The following CAMK2D variants were observed in gnomAD, a reference collection of about 807,000 sequenced individuals.
CAMK2D encodes the protein calcium/calmodulin dependent protein kinase II delta.
In CAMK2D, 37 loss-of-function variants were observed where a neutral mutation model predicts 84.0. The observed-to-expected ratio is 0.44, with a 90% CI of 0.34 to 0.58. The LOEUF is 0.58. Among genes scored for constraint, CAMK2D ranks in the 20% least tolerant of loss-of-function variants. CAMK2D has a pLI of 0.02. For synonymous variants in CAMK2D, 202 were observed against 212.5 expected, an observed-to-expected ratio of 0.95 and a Z score of 0.43; for missense variants, 448 against 652.5, an observed-to-expected ratio of 0.69 and a Z score of 3.41.
intron 2 of CAMK2D, among the ~76,000 whole-genome samples, chr4:113,662,830 A>T (rs2099239972): frequency 6.6e-6 from 1 of 152,232 alleles, no homozygotes. Context: ...AGATCCCCTA[A>T]GAGAGTTTCT....
chr4:113,735,228 G>GATC lies in CAMK2D; in HGVS notation c.160+24089_160+24091dup, dbSNP rs1451254375. On this transcript the variant is annotated intron_variant, in intron 2 of 20. Coordinates refer to ENST00000511664, the MANE Select transcript of CAMK2D (RefSeq NM_001321571.2). ...GCACTTTGGGAGGCCAAGGCGGGTG[G>GATC]ATCACTTGAGCTCAAGAGTTTGAGA... Among the ~76,000 whole-genome samples the GATC allele has an allele frequency of 4.1e-5, 6 of 145,594 alleles. No homozygotes were observed. In the East Asian group the frequency reaches 1.2e-3, roughly 30 times the overall value.
intron 5 of CAMK2D, among the ~76,000 whole-genome samples, chr4:113,550,800 C>T (rs953277602): frequency 6.6e-6 from 1 of 152,124 alleles, no homozygotes; most frequent in Non-Finnish European, 1.5e-5. Flanking sequence ...ATGATTCACT[C>T]ATCATAGTAT....
chr4:113,723,761 T>C (rs1369408398), intron 2 of CAMK2D, among the ~76,000 whole-genome samples: 1 of 152,154 alleles, frequency 6.6e-6, no homozygotes, highest in Admixed American at 6.5e-5. Flanking sequence ...ACTATGACAT[T>C]ACTCACCATA....
At chr4:113,574,838 C>A (rs1325599318) in intron 4 of CAMK2D, among the ~76,000 whole-genome samples, 3 of 152,220 alleles carry the variant, frequency 2.0e-5, no homozygotes, top group Admixed American at 1.3e-4. Context: ...CTAGAGAACA[C>A]ATAAATGAAA....
At chr4:113,738,131 T>A (rs2099585423) in intron 2 of CAMK2D, among the ~76,000 whole-genome samples, 1 of 146,900 alleles carries the variant, frequency 6.8e-6, no homozygotes. Context: ...CAATTCTCTA[T>A]AAAAGAAGTG....
At chr4:113,483,673 T>C (rs2097730400) in intron 16 of CAMK2D, among the ~76,000 whole-genome samples, 1 of 152,136 alleles carries the variant, frequency 6.6e-6, no homozygotes, top group South Asian at 2.1e-4. Context: ...CCCAAAGTGC[T>C]GGGATTATAG....
chr4:113,755,937 T>C (rs2099627573), intron 2 of CAMK2D, among the ~76,000 whole-genome samples: 1 of 152,006 alleles, frequency 6.6e-6, no homozygotes, highest in African/African-American at 2.4e-5. Context: ...TTTTAGAAGA[T>C]AGAAATTACA....
At chr4:113,666,136 C>T (rs1592715410) in intron 2 of CAMK2D, among the ~76,000 whole-genome samples, 3 of 152,188 alleles carry the variant, frequency 2.0e-5, no homozygotes, top group South Asian at 4.1e-4. Context: ...AATTAAAGTG[C>T]TAGCCCTGAT....
At chr4:113,606,203 G>C (rs2098976190) in intron 4 of CAMK2D, among the ~76,000 whole-genome samples, 1 of 152,146 alleles carries the variant, frequency 6.6e-6, no homozygotes, top group Non-Finnish European at 1.5e-5. Flanking sequence ...AGGCACAGTG[G>C]CTCATGCCTG....
Position 113,452,652 on chromosome 4 carries a change from T to TAA in CAMK2D, c.*1891_*1892dup, listed in dbSNP as rs200682595. On this transcript the variant is annotated 3_prime_UTR_variant, in exon 21 of 21. Coordinates refer to ENST00000511664, the MANE Select transcript of CAMK2D (RefSeq NM_001321571.2). ...AACACCACATGCTAAGTTAAAAGTGTAAAAAAAACACTCTACATCTATTTT... is the reference window on the plus strand; with the variant it reads ...AACACCACATGCTAAGTTAAAAGTGTAAAAAAAAAACACTCTACATCTATTTT... 1 of 151,696 alleles carries TAA rather than the reference T, an allele frequency of 6.6e-6. No homozygotes were observed. The highest frequency in any genetic ancestry group is 2.4e-5 in the African/African-American group (1 of 41,164). 9.4% of individuals were successfully genotyped at this position (151,696 alleles called of 1,614,324 possible).
chr4:113,563,854 A>C (rs1281086870), intron 4 of CAMK2D, among the ~76,000 whole-genome samples: 1 of 152,210 alleles, frequency 6.6e-6, no homozygotes, highest in African/African-American at 2.4e-5. Context: ...AATATACTTC[A>C]TGTCGAGATT....
At chr4:113,710,627 C>CA (rs2154354537) in intron 2 of CAMK2D, among the ~76,000 whole-genome samples, 1 of 152,252 alleles carries the variant, frequency 6.6e-6, no homozygotes, top group South Asian at 2.1e-4. Flanking sequence ...AAATTTTAGA[C>CA]AAGTCTTAGA....
At chr4:113,599,757 G>C (rs955237388) in intron 4 of CAMK2D, among the ~76,000 whole-genome samples, 21 of 152,158 alleles carry the variant, frequency 1.4e-4, no homozygotes, top group Admixed American at 7.2e-4. Context: ...AAGTAAGTTA[G>C]AGAGAAGAAA....
intron 2 of CAMK2D, among the ~76,000 whole-genome samples, chr4:113,692,631 T>G (rs1031898480): frequency 6.6e-6 from 1 of 151,984 alleles, no homozygotes; most frequent in Non-Finnish European, 1.5e-5. Flanking sequence ...CATTCATATA[T>G]TCATTCATAC....
intron 4 of CAMK2D, among the ~76,000 whole-genome samples, chr4:113,587,633 A>G (rs1485919036): frequency 6.6e-6 from 1 of 152,196 alleles, no homozygotes; most frequent in Admixed American, 6.5e-5. Flanking sequence ...TAATATTGAA[A>G]CACAAAGTTA....
chr4:113,684,654 T>A (rs1300003484), intron 2 of CAMK2D, among the ~76,000 whole-genome samples: 2 of 152,198 alleles, frequency 1.3e-5, no homozygotes, highest in Admixed American at 1.3e-4. Context: ...ATGTCCCATC[T>A]TGCCTTTCTG....
At chr4:113,674,290 G>A (rs1031702294) in intron 2 of CAMK2D, among the ~76,000 whole-genome samples, 1 of 152,080 alleles carries the variant, frequency 6.6e-6, no homozygotes, top group Non-Finnish European at 1.5e-5. Context: ...AAATTCCCCA[G>A]ACTGAGCAGA....
chr4:113,543,080 T>C (rs1273841755), intron 6 of CAMK2D, among the ~76,000 whole-genome samples: 1 of 152,242 alleles, frequency 6.6e-6, no homozygotes, highest in Non-Finnish European at 1.5e-5. Context: ...TTCGGGTACA[T>C]TTGAACTGCA....
At chr4:113,572,882 G>A (rs1379156359) in intron 4 of CAMK2D, among the ~76,000 whole-genome samples, 2 of 152,184 alleles carry the variant, frequency 1.3e-5, no homozygotes, top group Non-Finnish European at 2.9e-5. Context: ...ACAAGATCAT[G>A]TCTTTTGTGG....
Sources: allele counts gnomAD v4.1 joint callset (sites outside exome capture counted in the v4.1 genomes callset), GRCh38; gene constraint gnomAD v4.1.1; transcripts MANE v1.5; gene names NCBI Gene and HGNC (gene_info 2026-07-23, HGNC 2026-07-21).